The following PLPP1 variants were observed in gnomAD, a reference collection of about 807,000 sequenced individuals.
PLPP1 encodes phospholipid phosphatase 1, also known as lipid phosphate phosphohydrolase 1a.
PLPP1 carries 24 observed loss-of-function variants against 31.2 expected under a neutral mutation model. That is an observed-to-expected ratio of 0.77 (90% CI 0.56 to 1.08). PLPP1 has a LOEUF of 1.08. Ranked by LOEUF, PLPP1 falls within the 50% of genes least tolerant of loss-of-function variation. PLPP1 has a pLI of 0.00. For missense variants in PLPP1, 319 were observed against 342.7 expected, an observed-to-expected ratio of 0.93 and a Z score of 0.55; for synonymous variants, 146 against 126.3, an observed-to-expected ratio of 1.16 and a Z score of -1.05.
intron 1 of PLPP1, among the ~76,000 whole-genome samples, chr5:55,489,179 C>T (rs1480550467): frequency 6.6e-6 from 1 of 152,232 alleles, no homozygotes; most frequent in East Asian, 1.9e-4. Context: ...GCATGGGCGA[C>T]AAGAGCAAAA....
intron 1 of PLPP1, among the ~76,000 whole-genome samples, chr5:55,527,349 G>C (rs2111952928): frequency 6.6e-6 from 1 of 152,286 alleles, no homozygotes; most frequent in Middle Eastern, 3.4e-3. Flanking sequence ...TCTAGCATTG[G>C]TTGCAAATGT....
chr5:55,479,770 A>G (rs116551247), intron 1 of PLPP1, among the ~76,000 whole-genome samples: 514 of 152,236 alleles, frequency 3.4e-3, no homozygotes, highest in Non-Finnish European at 5.0e-3. Context: ...TAGAATTTCT[A>G]CTCCTTGAAA....
At chr5:55,482,985 T>C (rs935170171) in intron 1 of PLPP1, among the ~76,000 whole-genome samples, 2 of 152,116 alleles carry the variant, frequency 1.3e-5, no homozygotes, top group African/African-American at 2.4e-5. Context: ...ATATATATAG[T>C]AAATAATCTC....
At chr5:55,459,376 A>G (rs1002048539) in intron 3 of PLPP1, among the ~76,000 whole-genome samples, 1 of 152,210 alleles carries the variant, frequency 6.6e-6, no homozygotes, top group Non-Finnish European at 1.5e-5. Context: ...AATAACTCAT[A>G]AAACATGTTG....
chr5:55,504,742 G>T (rs1002090571), intron 1 of PLPP1, among the ~76,000 whole-genome samples: 1 of 151,226 alleles, frequency 6.6e-6, no homozygotes, highest in Non-Finnish European at 1.5e-5. Flanking sequence ...AGCAGAATAT[G>T]ACTTCACAGA....
Position 55,534,630 on chromosome 5 carries a change from G to C in PLPP1, c.-1C>G. ...ACGGCAGCCGCGTCTTGTCAAACAT[G>C]GTCTCTGCCCGGGCTGCCCGGCAAG... is the stretch of plus-strand genomic sequence containing the variant. On this transcript the variant is annotated 5_prime_UTR_variant, in exon 1 of 6. Transcript: ENST00000307259. 1 of 1,554,178 alleles carries C rather than the reference G, an allele frequency of 6.4e-7. No homozygotes were observed.
intron 3 of PLPP1, among the ~76,000 whole-genome samples, chr5:55,456,043 A>G (rs1366060593): frequency 6.6e-6 from 1 of 152,136 alleles, no homozygotes; most frequent in East Asian, 1.9e-4. Flanking sequence ...TGGTATTCTC[A>G]TTGGCATTAA....
intron 1 of PLPP1, among the ~76,000 whole-genome samples, chr5:55,499,148 A>T (rs1441920200): frequency 6.6e-6 from 1 of 152,236 alleles, no homozygotes; most frequent in African/African-American, 2.4e-5. Flanking sequence ...ACAAATAATT[A>T]ACAACAGCTC....
At chr5:55,500,034 T>A in intron 1 of PLPP1, among the ~76,000 whole-genome samples, 1 of 149,914 alleles carries the variant, frequency 6.7e-6, no homozygotes. Flanking sequence ...CCAAGCAAAA[T>A]AAGTAAAAAC....
chr5:55,443,214 C>A (rs35777615), intron 3 of PLPP1, among the ~76,000 whole-genome samples: 1 of 68,834 alleles, frequency 1.5e-5, no homozygotes. Flanking sequence ...TATATATATA[C>A]ACACACACAC....
intron 1 of PLPP1, among the ~76,000 whole-genome samples, chr5:55,511,480 T>A (rs1753406469): frequency 6.6e-6 from 1 of 152,058 alleles, no homozygotes; most frequent in Non-Finnish European, 1.5e-5. Context: ...TTTTTTTCTT[T>A]TAAAGCATGG....
chr5:55,522,780 G>A (rs939533647), intron 1 of PLPP1, among the ~76,000 whole-genome samples: 2 of 151,828 alleles, frequency 1.3e-5, no homozygotes, highest in Non-Finnish European at 2.9e-5. Context: ...TTGGAGTGGC[G>A]CAATCTCGGC....
rs530335951 is a variant in PLPP1, at chr5:55,495,351, G to A, written c.59-19901C>T. On this transcript the variant is annotated intron_variant, in intron 1 of 5. Coordinates refer to ENST00000307259, the MANE Select transcript of PLPP1 (RefSeq NM_003711.4). ...GAAAACATGAAAAGAGGCTATAGGA[G>A]AGGAAGAAAGGATGCTCACAGGCTC... Among the ~76,000 whole-genome samples the A allele has an allele frequency of 2.6e-5, 4 of 152,228 alleles. No individual in the cohort carries two copies. In the East Asian group the frequency reaches 7.7e-4, roughly 29 times the overall value.
chr5:55,527,632 G>C (rs1740509062), intron 1 of PLPP1, among the ~76,000 whole-genome samples: 1 of 152,204 alleles, frequency 6.6e-6, no homozygotes, highest in African/African-American at 2.4e-5. Flanking sequence ...AAGTATTCAA[G>C]AAAACTTAAT....
At chr5:55,471,183 A>T (rs1249496345) in intron 2 of PLPP1, among the ~76,000 whole-genome samples, 1 of 151,840 alleles carries the variant, frequency 6.6e-6, no homozygotes, top group African/African-American at 2.4e-5. Flanking sequence ...CAAAAGTCAA[A>T]ATTGTTTCAT....
At chr5:55,504,222 A>T (rs936754968) in intron 1 of PLPP1, among the ~76,000 whole-genome samples, 3 of 151,652 alleles carry the variant, frequency 2.0e-5, no homozygotes, top group African/African-American at 4.8e-5. Context: ...TACAAAAATT[A>T]GCCGGGTGTG....
intron 1 of PLPP1, among the ~76,000 whole-genome samples, chr5:55,511,946 G>C (rs569179599): frequency 6.6e-6 from 1 of 151,612 alleles, no homozygotes; most frequent in East Asian, 2.0e-4. Context: ...TGGGATTACA[G>C]GCTGAGCCAC....
chr5:55,494,192 A>G (rs1455859899), intron 1 of PLPP1, among the ~76,000 whole-genome samples: 6 of 151,884 alleles, frequency 4.0e-5, no homozygotes, highest in Non-Finnish European at 8.8e-5. Context: ...AAAAAAAAAA[A>G]GGGAGAGAGA....
chr5:55,476,192 T>G (rs968178123), intron 1 of PLPP1, among the ~76,000 whole-genome samples: 2 of 151,838 alleles, frequency 1.3e-5, no homozygotes, highest in African/African-American at 4.8e-5. Context: ...GTTTGTTTGT[T>G]TTTTAGTAGA....
Sources: gnomAD v4.1 joint callset for allele counts (sites outside exome capture counted in the v4.1 genomes callset) on GRCh38, gnomAD v4.1.1 for gene constraint, MANE v1.5 for transcripts, NCBI Gene and HGNC (gene_info 2026-07-23, HGNC 2026-07-21) for gene names.